ATP7A: variants seen among roughly 807,000 people sequenced by gnomAD.
The protein encoded by ATP7A is copper-transporting ATPase 1.
Under a neutral mutation model 83.5 loss-of-function variants are expected in ATP7A, and 7 were observed. The ratio of observed to expected loss-of-function variants is 0.08; its 90% CI spans 0.05 to 0.16. The LOEUF is 0.16. ATP7A is among the 10% of genes least tolerant of loss of function. The pLI is 1.00. For synonymous variants in ATP7A, 354 were observed against 395.2 expected, an observed-to-expected ratio of 0.90 and a Z score of 1.24; for missense variants, 940 against 1,120.8, an observed-to-expected ratio of 0.84 and a Z score of 2.30.
In ATP7A at chrX:78,007,419, A is replaced by G. The variant is rs187682034; in HGVS notation, c.1708-1683A>G. Among the ~76,000 whole-genome samples, 898 of 110,343 alleles carry G rather than the reference A, an allele frequency of 8.1e-3. 12 individuals carry two copies. Among genetic ancestry groups the G allele is most frequent in the African/African-American group, 0.028 (860 of 30,290 alleles). ...TGGCTCACTGCAAGCCCCGCCTCCCAGGTTCACACCATTCTCCTGCCTCAG... is the reference window on the plus strand; with the variant it reads ...TGGCTCACTGCAAGCCCCGCCTCCCGGGTTCACACCATTCTCCTGCCTCAG... On this transcript the variant is annotated intron_variant, in intron 6 of 22. Coordinates refer to ENST00000341514, the MANE Select transcript of ATP7A (RefSeq NM_000052.7).
At chrX:77,937,887 TCACACA>T (rs782049494) in intron 1 of ATP7A, among the ~76,000 whole-genome samples, 1 of 101,018 alleles carries the variant, frequency 9.9e-6, no homozygotes, top group African/African-American at 3.6e-5. Context: ...TCTCTCTCTC[TCACACA>T]CACACACACA....
intron 1 of ATP7A, among the ~76,000 whole-genome samples, chrX:77,952,949 T>C (rs1270024602): frequency 9.1e-6 from 1 of 109,790 alleles, no homozygotes; most frequent in African/African-American, 3.3e-5. Flanking sequence ...GGTCAGCTAA[T>C]TTTTGCATTT....
chrX:77,956,726 C>CCTTTCTTTCTTTCTTTCTTT lies in ATP7A; in HGVS notation c.-21-14852_-21-14833dup, dbSNP rs202001825. 4.4e-3 allele frequency among the ~76,000 whole-genome samples: 328 copies of CCTTTCTTTCTTTCTTTCTTT among 73,755 alleles called. 7 individuals are homozygous for CCTTTCTTTCTTTCTTTCTTT. The highest frequency in any genetic ancestry group is 9.0e-3 in the Middle Eastern group (1 of 111). The allele number at this position is 73,755 out of a possible 115,157, so 64.0% of individuals were successfully genotyped here. A position where few individuals can be genotyped will look rare whatever the true frequency, so the allele number is the denominator to read the frequency against. ...TTTTTCTTTATCAATTACCCAGTCT[C>CCTTTCTTTCTTTCTTTCTTT]CTTTCTTTCTTTCTTTCTTTCTTTC... On this transcript the variant is annotated intron_variant, in intron 1 of 22. Coordinates refer to ENST00000341514, the MANE Select transcript of ATP7A (RefSeq NM_000052.7).
At chrX:77,928,489 T>C (rs2077255128) in intron 1 of ATP7A, among the ~76,000 whole-genome samples, 1 of 111,004 alleles carries the variant, frequency 9.0e-6, no homozygotes, top group African/African-American at 3.3e-5. Context: ...TTGAGAGTAG[T>C]GTTCTTCCTT....
chrX:78,031,747 A>G (rs782398337), intron 16 of ATP7A, among the ~76,000 whole-genome samples, 165 bp downstream of exon 16: 1 of 112,482 alleles, frequency 8.9e-6, no homozygotes, highest in African/African-American at 3.2e-5. Flanking sequence ...CTTCATACAG[A>G]CAAGTATACA....
At chrX:77,969,185 A>T in intron 1 of ATP7A, 1 of 1,211,361 alleles carries the variant, frequency 8.3e-7, no homozygotes, top group Non-Finnish European at 1.1e-6. Context: ...CTCTCATAGG[A>T]GGGTAGCTGA....
Position 78,046,622 on chromosome X carries a change from T to C in ATP7A, c.*52T>C, listed in dbSNP as rs782530804. 8.5e-7 allele frequency: 1 copy of C among 1,173,283 alleles called. No individual in the cohort carries two copies. The highest frequency in any genetic ancestry group is 2.6e-4 in the Middle Eastern group (1 of 3,826). ...AACTTGTCATGCACTGACACAGCAT[T>C]CATGATGTTACCTTCACTTTTCAAA... On this transcript the variant is annotated 3_prime_UTR_variant, in exon 23 of 23. Transcript: ENST00000341514.
At position 77,918,717 on chromosome X, in the gene ATP7A, T is replaced by C. The variant is rs782096393; in HGVS notation, c.-22+7882T>C. 5.4e-5 allele frequency among the ~76,000 whole-genome samples: 6 copies of C among 111,477 alleles called. No individual in the cohort carries two copies. In the East Asian group the frequency reaches 1.7e-3, roughly 32 times the overall value. ...ATTTGCAGGTTTGAGACTCCTACCT[T>C]ATTTCATCCATGGCTGTTGCATTGT... is the stretch of plus-strand genomic sequence containing the variant. On this transcript the variant is annotated intron_variant, in intron 1 of 22. Coordinates refer to ENST00000341514, the MANE Select transcript of ATP7A (RefSeq NM_000052.7).
At position 78,049,012 on chromosome X, in the gene ATP7A, C is replaced by A. The variant is rs192931550; in HGVS notation, c.*2442C>A. 1 of 111,786 alleles carries A rather than the reference C, an allele frequency of 8.9e-6. No individual in the cohort carries two copies. Among genetic ancestry groups the A allele is most frequent in the Non-Finnish European group, 1.9e-5 (1 of 53,158 alleles). The allele number at this position is 111,786 out of a possible 1,213,427, so 9.2% of individuals were successfully genotyped here. The stretch of plus-strand genomic sequence containing the variant: ...ATCAAAGAGATAATTTCAGCTCTTA[C>A]AACAAGAACAGAAAACATGCTAATT... On this transcript the variant is annotated 3_prime_UTR_variant, in exon 23 of 23. Coordinates refer to ENST00000341514, the MANE Select transcript of ATP7A (RefSeq NM_000052.7).
At chrX:77,913,915 T>C (rs1557222210) in intron 1 of ATP7A, among the ~76,000 whole-genome samples, 1 of 112,636 alleles carries the variant, frequency 8.9e-6, no homozygotes, top group African/African-American at 3.2e-5. Flanking sequence ...AAGTCCAGTT[T>C]TTCAGACCTA....
At chrX:78,004,711 C>T (rs113389860) in intron 6 of ATP7A, among the ~76,000 whole-genome samples, 30,018 of 108,778 alleles carry the variant, frequency 0.28, 3,126 homozygotes, top group South Asian at 0.35. Context: ...GGTGAAACCC[C>T]GTGTCTACTA....
chrX:78,011,614 G>C lies in ATP7A; in HGVS notation c.2112G>C (p.Gln704His), dbSNP rs1471996737. 7 of 1,209,275 alleles carry C rather than the reference G, an allele frequency of 5.8e-6. No individual in the cohort carries two copies. In the East Asian group the frequency reaches 1.2e-4, roughly 20 times the overall value. ...ATTCTTCTATGTTCCTGGAGCGCCA[G>C]ATTCTTCCAGGATTGTCTGTTATGA... ...NLHSSMFLER[Q>H]ILPGLSVMNL... Residue 704 changes from glutamine to histidine, a missense_variant, in exon 9 of 23, where the codon CAG (glutamine) becomes CAC (histidine). Around this residue, in one of 3 missense-constraint regions of ATP7A, gnomAD observed 204 missense variants for 185.8 expected, o/e 1.10. Coordinates refer to ENST00000341514, the MANE Select transcript of ATP7A (RefSeq NM_000052.7).
At chrX:78,040,209 CCT>C (rs1325425277) in intron 18 of ATP7A, among the ~76,000 whole-genome samples, 2 of 94,998 alleles carry the variant, frequency 2.1e-5, no homozygotes, top group African/African-American at 7.7e-5. Flanking sequence ...GCCCCCCCCC[CCT>C]TACCTTAAAA....
At chrX:78,032,590 A>G (rs189240276) in intron 16 of ATP7A, among the ~76,000 whole-genome samples, 109 of 112,022 alleles carry the variant, frequency 9.7e-4, no homozygotes, top group Non-Finnish European at 1.0e-3. Flanking sequence ...ATCTTTTTAT[A>G]TATGTATTGA....
At chrX:78,011,130 A>G (rs1557234390) in intron 7 of ATP7A, 46 bp from the exon 8 acceptor site, 2 of 1,083,122 alleles carry the variant, frequency 1.8e-6, no homozygotes, top group African/African-American at 1.8e-5. Context: ...TCTATACAAT[A>G]TTTATATGTT....
chrX:78,049,201 G>C lies in ATP7A; in HGVS notation c.*2631G>C, dbSNP rs2078098743. ...AAATACTGCTTTCAGTTAGTAGCTA[G>C]CTTTAAGTCAGGAGTTAGTAATGAG... On this transcript the variant is annotated 3_prime_UTR_variant, in exon 23 of 23. Transcript: ENST00000341514. The C allele has an allele frequency of 9.0e-6, 1 of 111,483 alleles. No homozygotes were observed. The highest frequency in any genetic ancestry group is 2.8e-4 in the East Asian group (1 of 3,583). The allele number at this position is 111,483 out of a possible 1,213,427, so 9.2% of individuals were successfully genotyped here. A position where few individuals can be genotyped will look rare whatever the true frequency, so the allele number is the denominator to read the frequency against.
At chrX:77,977,980 T>C (rs1261277968) in intron 2 of ATP7A, among the ~76,000 whole-genome samples, 1 of 112,068 alleles carries the variant, frequency 8.9e-6, no homozygotes, top group Non-Finnish European at 1.9e-5. Context: ...GTGAAGTTAA[T>C]GAAGCTTAAG....
intron 4 of ATP7A, among the ~76,000 whole-genome samples, chrX:77,992,598 A>G (rs973589999): frequency 9.0e-6 from 1 of 111,276 alleles, no homozygotes; most frequent in East Asian, 2.8e-4. Flanking sequence ...ATTTCATTTT[A>G]CCTATCACCA....
intron 1 of ATP7A, among the ~76,000 whole-genome samples, chrX:77,947,447 T>TC (rs2077386348): frequency 1.8e-5 from 2 of 110,107 alleles, no homozygotes; most frequent in Non-Finnish European, 1.9e-5. Flanking sequence ...ACCACATTTT[T>TC]TTTTTTTTGA....
Sources: gnomAD v4.1 joint callset for allele counts (sites outside exome capture counted in the v4.1 genomes callset) on GRCh38, gnomAD v4.1.1 for gene constraint, gnomAD v4.1.1 regional missense constraint, MANE v1.5 for transcripts, NCBI Gene and HGNC (gene_info 2026-07-23, HGNC 2026-07-21) for gene names.